EHBP1: variants seen among roughly 807,000 people sequenced by gnomAD.
EHBP1 encodes the protein EH domain-binding protein 1.
A neutral mutation model predicts 144.0 loss-of-function variants in EHBP1; 55 were observed. The observed-to-expected ratio is 0.38, with a 90% CI of 0.31 to 0.48. The LOEUF is 0.48. EHBP1 is among the 20% of genes least tolerant of loss of function. The pLI is 0.98. For missense variants in EHBP1, 1,200 were observed against 1,364.2 expected, an observed-to-expected ratio of 0.88 and a Z score of 1.90; for synonymous variants, 469 against 472.7, an observed-to-expected ratio of 0.99 and a Z score of 0.10.
At chr2:63,028,484 G>A (rs1186108699) in intron 19 of EHBP1, among the ~76,000 whole-genome samples, 5 of 151,746 alleles carry the variant, frequency 3.3e-5, no homozygotes, top group Admixed American at 1.3e-4. Context: ...TCCACAGGCT[G>A]GCCTTGAACT....
intron 5 of EHBP1, among the ~76,000 whole-genome samples, chr2:62,792,110 A>G (rs1415344477): frequency 2.0e-5 from 3 of 152,098 alleles, no homozygotes; most frequent in Non-Finnish European, 4.4e-5. Context: ...TTGGTTTACA[A>G]GTACTACTTA....
intron 10 of EHBP1, among the ~76,000 whole-genome samples, chr2:62,934,406 C>G (rs989992700): frequency 9.2e-5 from 14 of 152,134 alleles, no homozygotes; most frequent in Non-Finnish European, 2.1e-4. Flanking sequence ...GCCCCTTTTC[C>G]TATTGATTAA....
At chr2:62,761,936 C>G (rs188803524) in intron 3 of EHBP1, among the ~76,000 whole-genome samples, 1 of 152,280 alleles carries the variant, frequency 6.6e-6, no homozygotes, top group Admixed American at 6.5e-5. Flanking sequence ...TCTTCCCATT[C>G]TTTCTTAAAT....
chr2:62,825,312 A>AAGTAT (rs2046267614), intron 5 of EHBP1, among the ~76,000 whole-genome samples: 1 of 151,986 alleles, frequency 6.6e-6, no homozygotes, highest in Non-Finnish European at 1.5e-5. Flanking sequence ...CTATTCTGTA[A>AAGTAT]AGTATAGTTA....
chr2:63,017,779 C>T (rs985830885), intron 19 of EHBP1, among the ~76,000 whole-genome samples: 1 of 152,218 alleles, frequency 6.6e-6, no homozygotes, highest in South Asian at 2.1e-4. Flanking sequence ...TTCTGTATTA[C>T]ATATGTAGTA....
intron 19 of EHBP1, among the ~76,000 whole-genome samples, chr2:63,014,904 G>A (rs924254084): frequency 2.0e-5 from 3 of 152,162 alleles, no homozygotes; most frequent in Non-Finnish European, 4.4e-5. Context: ...CTTGAGCCCG[G>A]GAGGTGGAGG....
intron 10 of EHBP1, among the ~76,000 whole-genome samples, chr2:62,888,978 C>T (rs2052185540): frequency 6.8e-6 from 1 of 147,736 alleles, no homozygotes; most frequent in African/African-American, 2.5e-5. Flanking sequence ...CTCCTGGAGG[C>T]ATGCAAGTAC....
chr2:62,791,634 G>C (rs1185278498), intron 5 of EHBP1, among the ~76,000 whole-genome samples: 1 of 151,886 alleles, frequency 6.6e-6, no homozygotes, highest in Admixed American at 6.6e-5. Context: ...TAAAAAATAG[G>C]TTATGATGTC....
intron 7 of EHBP1, among the ~76,000 whole-genome samples, chr2:62,839,722 T>G (rs976692559): frequency 6.6e-5 from 10 of 152,042 alleles, no homozygotes; most frequent in Non-Finnish European, 1.0e-4. Context: ...AAATCATGAG[T>G]CAACTCCCAT....
chr2:62,868,602 A>G (rs1442909723), intron 9 of EHBP1, among the ~76,000 whole-genome samples: 1 of 152,188 alleles, frequency 6.6e-6, no homozygotes, highest in African/African-American at 2.4e-5. Context: ...CAATACCTGC[A>G]TCTGGCAAAA....
chr2:62,968,699 T>C (rs1490434323), intron 14 of EHBP1, among the ~76,000 whole-genome samples: 3 of 152,220 alleles, frequency 2.0e-5, no homozygotes, highest in Admixed American at 6.5e-5. Flanking sequence ...CTGTTAGACC[T>C]TCTACTTTTT....
chr2:62,960,216 G>A (rs554579686), intron 14 of EHBP1, among the ~76,000 whole-genome samples: 2 of 152,174 alleles, frequency 1.3e-5, no homozygotes, highest in Admixed American at 6.5e-5. Flanking sequence ...TACTCAGCAT[G>A]GCCTCATGTC....
At chr2:62,993,322 G>A (rs1322346156) in intron 16 of EHBP1, among the ~76,000 whole-genome samples, 1 of 152,158 alleles carries the variant, frequency 6.6e-6, no homozygotes, top group Non-Finnish European at 1.5e-5. Flanking sequence ...TCGTATCAAA[G>A]TTATCAAGAG....
At chr2:63,024,040 T>C (rs1442342906) in intron 19 of EHBP1, among the ~76,000 whole-genome samples, 1 of 152,044 alleles carries the variant, frequency 6.6e-6, no homozygotes, top group African/African-American at 2.4e-5. Flanking sequence ...TCCAAGCACT[T>C]TGGGAGGCCA....
At chr2:62,901,512 G>T (rs897214470) in intron 10 of EHBP1, among the ~76,000 whole-genome samples, 3 of 151,802 alleles carry the variant, frequency 2.0e-5, no homozygotes, top group Non-Finnish European at 2.9e-5. Flanking sequence ...TGATAGAACT[G>T]GATAATTTAA....
At chr2:62,985,785 A>T (rs2059161895) in intron 15 of EHBP1, among the ~76,000 whole-genome samples, 1 of 152,206 alleles carries the variant, frequency 6.6e-6, no homozygotes, top group African/African-American at 2.4e-5. Context: ...TCCAAGAAAG[A>T]ATTCCTGGTG....
chr2:62,795,732 A>T (rs1016875615), intron 5 of EHBP1, among the ~76,000 whole-genome samples: 4 of 152,112 alleles, frequency 2.6e-5, no homozygotes, highest in Non-Finnish European at 4.4e-5. Flanking sequence ...AATATACAAA[A>T]TGCATTTTAA....
At chr2:62,690,593 T>C (rs143158965) in intron 1 of EHBP1, among the ~76,000 whole-genome samples, 27 of 152,058 alleles carry the variant, frequency 1.8e-4, no homozygotes, top group African/African-American at 5.8e-4. Flanking sequence ...TAAAAAAAAT[T>C]GTTATACAAG....
At chr2:63,034,093 G>A (rs1395730495) in intron 19 of EHBP1, among the ~76,000 whole-genome samples, 1 of 151,902 alleles carries the variant, frequency 6.6e-6, no homozygotes, top group Non-Finnish European at 1.5e-5. Context: ...AAGTTTTTAA[G>A]GAAACAAAGT....
Sources: gnomAD v4.1 joint callset for allele counts (sites outside exome capture counted in the v4.1 genomes callset) on GRCh38, gnomAD v4.1.1 for gene constraint, MANE v1.5 for transcripts, NCBI Gene and HGNC (gene_info 2026-07-23, HGNC 2026-07-21) for gene names.